The following ST18 variants were observed in gnomAD, a reference collection of about 807,000 sequenced individuals.
ST18 encodes the protein suppression of tumorigenicity 18 protein.
ST18 carries 50 observed loss-of-function variants against 110.0 expected under a neutral mutation model. That is an observed-to-expected ratio of 0.45 (90% CI 0.36 to 0.58). The LOEUF (loss-of-function observed/expected upper bound fraction) is 0.58. ST18 is among the 20% of genes least tolerant of loss of function. The probability of loss-of-function intolerance (pLI) is 0.00; values close to 1 mark genes in which losing one functional copy is unlikely to be tolerated. For missense variants in ST18, 1,306 were observed against 1,280.1 expected, an observed-to-expected ratio of 1.02 and a Z score of -0.31; for synonymous variants, 461 against 452.4, an observed-to-expected ratio of 1.02 and a Z score of -0.24.
chr8:52,382,335 C>T (rs545416488), intron 2 of ST18, among the ~76,000 whole-genome samples: 2 of 152,066 alleles, frequency 1.3e-5, no homozygotes, highest in African/African-American at 2.4e-5. Flanking sequence ...TGAAAGGTGG[C>T]CCTGGTTTAG....
intron 2 of ST18, among the ~76,000 whole-genome samples, chr8:52,318,351 C>T (rs1040638956): frequency 2.0e-5 from 3 of 152,038 alleles, no homozygotes; most frequent in Non-Finnish European, 2.9e-5. Flanking sequence ...CAATGAGATA[C>T]CATCTTACAC....
intron 2 of ST18, among the ~76,000 whole-genome samples, chr8:52,281,025 A>G (rs560662235): frequency 6.6e-6 from 1 of 152,292 alleles, no homozygotes; most frequent in East Asian, 1.9e-4. Flanking sequence ...AATCAATAAC[A>G]AAGAGTAAGT....
At chr8:52,301,129 A>T (rs965027849) in intron 2 of ST18, among the ~76,000 whole-genome samples, 1 of 152,224 alleles carries the variant, frequency 6.6e-6, no homozygotes. Flanking sequence ...TCACAGAGAT[A>T]TACTTCCTTC....
At chr8:52,167,281 C>T (rs1340787955) in intron 10 of ST18, among the ~76,000 whole-genome samples, 1 of 152,186 alleles carries the variant, frequency 6.6e-6, no homozygotes, top group South Asian at 2.1e-4. Context: ...TATGAAAAAT[C>T]AACCCTGTGC....
chr8:52,315,972 C>T (rs189394859), intron 2 of ST18, among the ~76,000 whole-genome samples: 2 of 152,196 alleles, frequency 1.3e-5, no homozygotes, highest in Non-Finnish European at 2.9e-5. Flanking sequence ...GTCTAATGTG[C>T]AGTCCTCTGG....
chr8:52,369,613 A>G (rs1236005599), intron 2 of ST18, among the ~76,000 whole-genome samples: 1 of 152,222 alleles, frequency 6.6e-6, no homozygotes, highest in African/African-American at 2.4e-5. Flanking sequence ...TGCCAAACCT[A>G]TAACTAATAC....
intron 2 of ST18, among the ~76,000 whole-genome samples, chr8:52,360,333 T>C (rs926564886): frequency 2.0e-5 from 3 of 152,266 alleles, no homozygotes; most frequent in Middle Eastern, 3.4e-3. Context: ...TTAAAATATC[T>C]TATTTTAAAT....
chr8:52,333,018 A>G (rs1215600899), intron 2 of ST18, among the ~76,000 whole-genome samples: 2 of 152,054 alleles, frequency 1.3e-5, no homozygotes, highest in African/African-American at 4.8e-5. Context: ...CCAAACATAG[A>G]ACAACATAAA....
Position 52,149,919 on chromosome 8 carries a change from C to T in ST18, c.1865G>A (p.Arg622Gln), listed in dbSNP as rs759288853. 6.2e-6 allele frequency: 10 copies of T among 1,613,822 alleles called. No individual in the cohort carries two copies. The highest frequency in any genetic ancestry group is 1.3e-5 in the African/African-American group (1 of 74,874). ...TAGGGGTGCAGACTTGTCCAGGATT[C>T]GATTTTTTTTCATGCTTAAGTCCAA... ...GTLDLSMKKN[R>Q]ILDKSAPLTS... The change falls in exon 16 of 26, where the codon CGA becomes CAA. Residue 622 changes from arginine (R) to glutamine (Q), a missense_variant. Transcript: ENST00000689386.
At chr8:52,168,090 G>A (rs1170404258) in intron 10 of ST18, among the ~76,000 whole-genome samples, 1 of 151,472 alleles carries the variant, frequency 6.6e-6, no homozygotes, top group Non-Finnish European at 1.5e-5. Context: ...CCTAACTTGT[G>A]CTGGGAATAA....
chr8:52,217,780 TTG>T lies in ST18; in HGVS notation c.-37_-36del, dbSNP rs1209617515. 1 of 152,234 alleles carries T rather than the reference TTG, an allele frequency of 6.6e-6. No homozygotes were observed. The highest frequency in any genetic ancestry group is 1.5e-5 in the Non-Finnish European group (1 of 68,054). The allele number at this position is 152,234 out of a possible 1,614,324, so 9.4% of individuals were successfully genotyped here. A position where few individuals can be genotyped will look rare whatever the true frequency, so the allele number is the denominator to read the frequency against. On this transcript the variant is annotated 5_prime_UTR_variant, in exon 6 of 26. Coordinates refer to ENST00000689386, the MANE Select transcript of ST18 (RefSeq NM_001352837.2). ...GATGTATAAAGTGATTTCCTAGTAC[TTG>T]TACTTGACGTCTTTTCTTACTGGAG... is the stretch of plus-strand genomic sequence containing the variant.
At chr8:52,375,615 T>C (rs1050250059) in intron 2 of ST18, among the ~76,000 whole-genome samples, 1 of 152,206 alleles carries the variant, frequency 6.6e-6, no homozygotes, top group Non-Finnish European at 1.5e-5. Context: ...CCCAGCAGAA[T>C]GCCCCTTGGT....
In ST18 at chr8:52,161,378, C is replaced by T; in HGVS notation, c.1591G>A (p.Glu531Lys). Residue 531 changes from glutamate (E) to lysine (K), a missense_variant, in exon 14 of 26, where the codon GAA becomes AAA. Physicochemically the swap from Glu to Lys is moderately conservative, Grantham distance 56 (BLOSUM62 1). Coordinates refer to ENST00000689386, the MANE Select transcript of ST18 (RefSeq NM_001352837.2). ...VQGRKTPPFP[E>K]SKHFPNPVKF... Reference sequence around the variant, plus strand: ...GGCATTAGAGCTCAAAGCTTACATTCAGGAAATGGTGGTGTTTTTCGTCCT... The same window carrying T: ...GGCATTAGAGCTCAAAGCTTACATTTAGGAAATGGTGGTGTTTTTCGTCCT... 6.2e-7 allele frequency: 1 copy of T among 1,613,210 alleles called. No homozygotes were observed. Among genetic ancestry groups the T allele is most frequent in the Non-Finnish European group, 8.5e-7 (1 of 1,179,422 alleles).
chr8:52,372,563 G>A (rs986148887), intron 2 of ST18, among the ~76,000 whole-genome samples: 13 of 152,226 alleles, frequency 8.5e-5, no homozygotes, highest in African/African-American at 2.7e-4. Context: ...TTCACGGTAA[G>A]TGCCCTGTAC....
chr8:52,247,595 T>C (rs1338657955), intron 2 of ST18, among the ~76,000 whole-genome samples: 1 of 152,150 alleles, frequency 6.6e-6, no homozygotes, highest in Non-Finnish European at 1.5e-5. Flanking sequence ...AGGAGGAACA[T>C]TAGCAGCTAT....
intron 2 of ST18, among the ~76,000 whole-genome samples, chr8:52,275,319 A>G (rs1387663354): frequency 6.6e-6 from 1 of 152,220 alleles, no homozygotes; most frequent in Non-Finnish European, 1.5e-5. Context: ...GATGTTGCCT[A>G]TTATGTCCTT....
At chr8:52,119,335 G>A (rs2043770264) in intron 23 of ST18, among the ~76,000 whole-genome samples, 1 of 152,076 alleles carries the variant, frequency 6.6e-6, no homozygotes, top group African/African-American at 2.4e-5. Flanking sequence ...TAATATTAAG[G>A]GTGCGGGAAG....
At chr8:52,199,672 G>A (rs948764220) in intron 8 of ST18, 1 of 152,136 alleles carries the variant, frequency 6.6e-6, no homozygotes, top group Non-Finnish European at 1.5e-5. Context: ...TTAAACATAG[G>A]CAAGTAGAAG....
Position 52,123,151 on chromosome 8 carries a change from A to G in ST18, c.2755+2901T>C, listed in dbSNP as rs1001438425. On this transcript the variant is annotated intron_variant, in intron 23 of 25. Transcript: ENST00000689386. ...TTAATTATGGCAAGGATGGAGAACT[A>G]AAGATCAATTATTCTAAAATTAATG... 2.0e-5 allele frequency among the ~76,000 whole-genome samples: 3 copies of G among 152,336 alleles called. No homozygotes were observed. The South Asian group carries it at 6.2e-4, about 32-fold the overall frequency.
Sources: allele counts gnomAD v4.1 joint callset (sites outside exome capture counted in the v4.1 genomes callset), GRCh38; gene constraint gnomAD v4.1.1; transcripts MANE v1.5; gene names NCBI Gene and HGNC (gene_info 2026-07-23, HGNC 2026-07-21).